The following CERS4 variants were observed in gnomAD, a reference collection of about 807,000 sequenced individuals.
The protein encoded by CERS4 is LAG1 homolog, ceramide synthase 4.
A neutral mutation model predicts 51.8 loss-of-function variants in CERS4; 65 were observed. The ratio of observed to expected loss-of-function variants is 1.26; its 90% CI spans 1.03 to 1.54. The LOEUF (loss-of-function observed/expected upper bound fraction) is 1.54, where lower values mean the gene tolerates loss of function less well. Among genes scored for constraint, CERS4 ranks in the 40% most tolerant of loss-of-function variants. The pLI is 0.00. For synonymous variants in CERS4, 228 were observed against 208.4 expected, an observed-to-expected ratio of 1.09 and a Z score of -0.81; for missense variants, 563 against 500.4, an observed-to-expected ratio of 1.13 and a Z score of -1.19.
At chr19:8,235,220 G>C (rs1290440278) in intron 2 of CERS4, among the ~76,000 whole-genome samples, 5 of 151,338 alleles carry the variant, frequency 3.3e-5, no homozygotes, top group Admixed American at 2.6e-4. Context: ...TGTTGGCCAA[G>C]ATGGTCTTGA....
chr19:8,254,702 G>A (rs1220843039), intron 4 of CERS4, 86 bp downstream of exon 4: 5 of 1,241,620 alleles, frequency 4.0e-6, no homozygotes, highest in Non-Finnish European at 5.7e-6. Context: ...GTTGGGGCAG[G>A]AGAAGCCAAG....
intron 2 of CERS4, among the ~76,000 whole-genome samples, chr19:8,249,232 G>A (rs1036058119): frequency 1.2e-4 from 18 of 152,012 alleles, no homozygotes; most frequent in Non-Finnish European, 2.5e-4. Flanking sequence ...TGGGTGGGTG[G>A]ACAGATGTTT....
intron 10 of CERS4, among the ~76,000 whole-genome samples, chr19:8,260,843 TGGGA>T (rs1189965446): frequency 6.8e-6 from 1 of 148,050 alleles, no homozygotes. Context: ...CCCAGCTACT[TGGGA>T]GGCTGAGGCA....
chr19:8,250,085 C>CT (rs904313283), intron 2 of CERS4, among the ~76,000 whole-genome samples: 59 of 151,986 alleles, frequency 3.9e-4, no homozygotes, highest in African/African-American at 1.4e-3. Context: ...AGCGATTCTC[C>CT]TGCCTCAGCC....
intron 10 of CERS4, 124 bp from the exon 11 acceptor site, chr19:8,261,564 G>C: frequency 1.8e-6 from 2 of 1,083,990 alleles, no homozygotes; most frequent in Non-Finnish European, 2.7e-6. Context: ...ATCATGGGGT[G>C]GGGGGCACTA....
chr19:8,216,283 G>A (rs970362458), intron 2 of CERS4, among the ~76,000 whole-genome samples: 3 of 151,832 alleles, frequency 2.0e-5, no homozygotes, highest in African/African-American at 7.3e-5. Flanking sequence ...GGAGGCTGAG[G>A]CAGGAGAATC....
intron 2 of CERS4, among the ~76,000 whole-genome samples, chr19:8,212,633 A>T (rs12610227): frequency 0.52 from 78,701 of 150,602 alleles, 21,048 homozygotes; most frequent in African/African-American, 0.65. Context: ...CTGTTTTTTT[A>T]ATTATTATTT....
Position 8,261,804 on chromosome 19 carries a change from T to G in CERS4, c.965T>G (p.Leu322Arg). The change falls in exon 11 of 12, where the codon CTC becomes CGC. Residue 322 changes from leucine (L) to arginine (R), a missense_variant. Physicochemically the swap from Leu to Arg is moderately radical, Grantham distance 102. Coordinates refer to ENST00000251363, the MANE Select transcript of CERS4 (RefSeq NM_024552.3). Reference protein sequence around the residue: ...LQLLHVFWSCLILRMLYSFMK... With the variant: ...LQLLHVFWSCRILRMLYSFMK... The stretch of plus-strand genomic sequence containing the variant: ...CTGCTGCACGTGTTCTGGTCTTGCC[T>G]CATTCTGCGCATGCTCTATAGCTTC... 6.2e-7 allele frequency: 1 copy of G among 1,614,168 alleles called. No homozygotes were observed. The highest frequency in any genetic ancestry group is 8.5e-7 in the Non-Finnish European group (1 of 1,180,016).
chr19:8,255,499 C>A, intron 4 of CERS4, 108 bp from the exon 5 acceptor site: 1 of 949,296 alleles, frequency 1.1e-6, no homozygotes, highest in Non-Finnish European at 1.6e-6. Context: ...ACCCTGTAGG[C>A]AAGATGTGGG....
chr19:8,240,413 G>C (rs926963815), intron 2 of CERS4: 2 of 152,158 alleles, frequency 1.3e-5, no homozygotes, highest in African/African-American at 4.8e-5. Context: ...AGACAGGTCC[G>C]TCTGGAAGGG....
chr19:8,219,043 C>T (rs534210675), intron 2 of CERS4, among the ~76,000 whole-genome samples: 1 of 151,920 alleles, frequency 6.6e-6, no homozygotes, highest in South Asian at 2.1e-4. Context: ...CCCATCTCTA[C>T]TAAAAATACA....
In CERS4 at chr19:8,262,091, G is replaced by T; in HGVS notation, c.1167G>T (p.Arg389Ser). ...RSRVAGRLTN[R>S]HTTAT The stretch of plus-strand genomic sequence containing the variant: ...GGGTGGCCGGGCGTCTGACCAACAG[G>T]CACACAACAGCCACATAGCCGGGCG... The change falls in exon 12 of 12, where the codon AGG becomes AGT. Residue 389 changes from arginine (R) to serine (S), a missense_variant. Transcript: ENST00000251363. The T allele has an allele frequency of 6.7e-7, 1 of 1,503,304 alleles. No individual in the cohort carries two copies. The allele number at this position is 1,503,304 out of a possible 1,614,324, so 93.1% of individuals were successfully genotyped here. A position where few individuals can be genotyped will look rare whatever the true frequency, so the allele number is the denominator to read the frequency against.
intron 2 of CERS4, among the ~76,000 whole-genome samples, chr19:8,228,671 G>A (rs1967884626): frequency 6.8e-6 from 1 of 147,744 alleles, no homozygotes; most frequent in Non-Finnish European, 1.5e-5. Flanking sequence ...GCAAAACTCC[G>A]TCTCAAAAAA....
At position 8,255,603 on chromosome 19, in the gene CERS4, C is replaced by T. The variant is rs1030910538; in HGVS notation, c.292-4C>T. 1.2e-6 allele frequency: 2 copies of T among 1,609,294 alleles called. No individual in the cohort carries two copies. Among genetic ancestry groups the T allele is most frequent in the Non-Finnish European group, 1.7e-6 (2 of 1,178,522 alleles). On this transcript the variant is annotated splice_region_variant and splice_polypyrimidine_tract_variant and intron_variant, in intron 4 of 11. Transcript: ENST00000251363. The stretch of plus-strand genomic sequence containing the variant: ...GACCCTTGTCCTCATCACCCCCTCC[C>T]CAGCCCCAGCTGTCTCTCCTGGCCG...
rs1220843039 is a variant in CERS4, at chr19:8,254,702, G to T, written c.291+86G>T. ...GTGTGTGGCCCATTTGTTGGGGCAG[G>T]AGAAGCCAAGGTGGCTGCAGGCACC... On this transcript the variant is annotated intron_variant, in intron 4 of 11. Coordinates refer to ENST00000251363, the MANE Select transcript of CERS4 (RefSeq NM_024552.3). The T allele has an allele frequency of 2.7e-5, 33 of 1,241,620 alleles. No individual in the cohort carries two copies. The South Asian group carries it at 4.1e-4, about 16-fold the overall frequency. The allele number at this position is 1,241,620 out of a possible 1,614,324, so 76.9% of individuals were successfully genotyped here.
At position 8,262,358 on chromosome 19, in the gene CERS4, G is replaced by A. The variant is rs570160350; in HGVS notation, c.*249G>A. 130 of 400,402 alleles carry A rather than the reference G, an allele frequency of 3.2e-4. No homozygotes were observed. The highest frequency in any genetic ancestry group is 2.5e-3 in the African/African-American group (120 of 48,712). The allele number at this position is 400,402 out of a possible 1,614,324, so 24.8% of individuals were successfully genotyped here. On this transcript the variant is annotated 3_prime_UTR_variant, in exon 12 of 12. Coordinates refer to ENST00000251363, the MANE Select transcript of CERS4 (RefSeq NM_024552.3). The stretch of plus-strand genomic sequence containing the variant: ...GGCTGGCCAGAGACACCTCCAGGCT[G>A]TGGCCTGGGGGCTGGGGGGAGCCCC...
intron 2 of CERS4, among the ~76,000 whole-genome samples, chr19:8,238,042 C>T (rs1968351195): frequency 6.6e-6 from 1 of 152,052 alleles, no homozygotes; most frequent in South Asian, 2.1e-4. Flanking sequence ...GGTAATCCCC[C>T]CCCACAATCC....
At chr19:8,242,062 C>G (rs1181561670) in intron 2 of CERS4, among the ~76,000 whole-genome samples, 1 of 152,168 alleles carries the variant, frequency 6.6e-6, no homozygotes, top group Non-Finnish European at 1.5e-5. Context: ...CAGACTCTGC[C>G]TCAATGCCCC....
chr19:8,240,130 TG>T (rs1191094744), intron 2 of CERS4, among the ~76,000 whole-genome samples: 1 of 152,044 alleles, frequency 6.6e-6, no homozygotes, highest in Non-Finnish European at 1.5e-5. Context: ...TGTGACTGTC[TG>T]GGGTGCAAAC....
Sources: allele counts gnomAD v4.1 joint callset (sites outside exome capture counted in the v4.1 genomes callset), GRCh38; gene constraint gnomAD v4.1.1; transcripts MANE v1.5; gene names NCBI Gene and HGNC (gene_info 2026-07-23, HGNC 2026-07-21).